The following RNLS variants were observed in gnomAD, a reference collection of about 807,000 sequenced individuals.
RNLS encodes the protein renalase, FAD dependent amine oxidase.
In RNLS, 39 loss-of-function variants were observed where a neutral mutation model predicts 39.8. That is an observed-to-expected ratio of 0.98 (90% CI 0.76 to 1.28). The LOEUF (loss-of-function observed/expected upper bound fraction) is 1.28. RNLS is among the 50% of genes most tolerant of loss of function. The probability of loss-of-function intolerance (pLI) is 0.00; values close to 1 mark genes in which losing one functional copy is unlikely to be tolerated. For missense variants in RNLS, 410 were observed against 413.3 expected (o/e 0.99, Z 0.07); for synonymous variants, 147 against 150.7 (o/e 0.98, Z 0.18).
intron 5 of RNLS, among the ~76,000 whole-genome samples, chr10:88,353,542 G>A (rs1056432613): frequency 6.6e-6 from 1 of 152,178 alleles, no homozygotes; most frequent in Non-Finnish European, 1.5e-5. Flanking sequence ...TCTTAATCCT[G>A]AGTTCTTGTT....
At chr10:88,221,937 G>A in the RNLS span, among the ~76,000 whole-genome samples, 3 of 152,070 alleles carry the variant, frequency 2.0e-5, no homozygotes, top group African/African-American at 7.2e-5. Flanking sequence ...TGTTATAATT[G>A]AACTAGATGA....
At chr10:88,345,324 C>T (rs1848235069) in intron 5 of RNLS, among the ~76,000 whole-genome samples, 1 of 152,106 alleles carries the variant, frequency 6.6e-6, no homozygotes, top group African/African-American at 2.4e-5. Context: ...GCTTAGTCTT[C>T]TCAGACTATT....
chr10:88,271,102 T>C (rs996616729), downstream of RNLS, among the ~76,000 whole-genome samples: 2 of 152,212 alleles, frequency 1.3e-5, no homozygotes, highest in African/African-American at 4.8e-5. Context: ...CTTGTGGTAC[T>C]GGAGCCTGCC....
chr10:88,362,605 G>A lies in RNLS; in HGVS notation c.647C>T (p.Thr216Ile), dbSNP rs1849729272. The change falls in exon 5 of 7, where the codon ACC (threonine) becomes ATC (isoleucine). Residue 216 changes from threonine to isoleucine, a missense_variant. Coordinates refer to ENST00000331772, the MANE Select transcript of RNLS (RefSeq NM_001031709.3). ...GACGAAGCGTATGCAGGGATTACTG[G>A]TGATGTACTGCCCAGCCCAAGGGAC... is the stretch of plus-strand genomic sequence containing the variant. Reference protein sequence around the residue: ...IDVPWAGQYITSNPCIRFVSI... With the variant: ...IDVPWAGQYIISNPCIRFVSI... 6.2e-7 allele frequency: 1 copy of A among 1,613,742 alleles called. No individual in the cohort carries two copies. The highest frequency in any genetic ancestry group is 8.5e-7 in the Non-Finnish European group (1 of 1,179,912).
At chr10:88,371,826 A>G (rs1449527025) in intron 4 of RNLS, among the ~76,000 whole-genome samples, 1 of 152,172 alleles carries the variant, frequency 6.6e-6, no homozygotes, top group Non-Finnish European at 1.5e-5. Context: ...ACCGTCTAAC[A>G]GGTAAATTCC....
At chr10:88,421,492 T>C (rs1229859001) in intron 4 of RNLS, among the ~76,000 whole-genome samples, 1 of 152,168 alleles carries the variant, frequency 6.6e-6, no homozygotes, top group Non-Finnish European at 1.5e-5. Context: ...TTCAAAAAGC[T>C]TCTCATATGT....
At chr10:88,225,140 C>T in the RNLS span, among the ~76,000 whole-genome samples, 5 of 152,176 alleles carry the variant, frequency 3.3e-5, no homozygotes, top group East Asian at 9.6e-4. Flanking sequence ...TTTCTACACC[C>T]ACTAAATAAG....
downstream of RNLS, among the ~76,000 whole-genome samples, chr10:88,270,937 G>C (rs1842632708): frequency 6.6e-6 from 1 of 152,216 alleles, no homozygotes; most frequent in South Asian, 2.1e-4. Context: ...TAGAGAGCCA[G>C]GCTCTCGCAG....
rs376021121 is a variant in RNLS at position 88,445,921 on chromosome 10, T to C, written c.527-83196A>G. 1.4e-4 allele frequency among the ~76,000 whole-genome samples: 21 copies of C among 152,172 alleles called. No individual in the cohort carries two copies. The East Asian group carries it at 3.3e-3, about 24-fold the overall frequency. ...ACAGATCAACAAGACAGAAAGTTAA[T>C]AAGGATATCCAGGAATTGAACTCAG... On this transcript the variant is annotated intron_variant, in intron 4 of 6. Transcript: ENST00000331772.
chr10:88,335,327 C>T (rs1428910155), intron 5 of RNLS, among the ~76,000 whole-genome samples: 7 of 152,008 alleles, frequency 4.6e-5, no homozygotes, highest in Non-Finnish European at 7.4e-5. Context: ...AAGCAATCCT[C>T]CCACCTCAGC....
the RNLS span, among the ~76,000 whole-genome samples, chr10:88,268,345 C>A: frequency 6.6e-6 from 1 of 152,158 alleles, no homozygotes; most frequent in African/African-American, 2.4e-5. Flanking sequence ...TGAAAGCTCT[C>A]CATATATTTC....
chr10:88,503,423 C>G (rs1340402175), intron 4 of RNLS, among the ~76,000 whole-genome samples: 8 of 152,026 alleles, frequency 5.3e-5, no homozygotes, highest in Admixed American at 3.9e-4. Context: ...TCATTGTCCT[C>G]AAAGCTTTAA....
the RNLS span, among the ~76,000 whole-genome samples, chr10:88,267,610 A>G: frequency 2.8e-4 from 42 of 152,274 alleles, no homozygotes; most frequent in East Asian, 7.1e-3. Context: ...ACCCCCTGTC[A>G]AGGAGTGGTT....
intron 5 of RNLS, among the ~76,000 whole-genome samples, chr10:88,361,688 G>C (rs562947474): frequency 6.6e-6 from 1 of 152,292 alleles, no homozygotes; most frequent in East Asian, 1.9e-4. Context: ...CATTATGAAG[G>C]TCTGGCGAGC....
intron 5 of RNLS, among the ~76,000 whole-genome samples, chr10:88,354,018 G>A (rs900817969): frequency 6.6e-6 from 1 of 152,136 alleles, no homozygotes; most frequent in Non-Finnish European, 1.5e-5. Context: ...TTTTATCAGA[G>A]ACTAGGATTG....
chr10:88,526,155 G>C (rs1342694941), intron 4 of RNLS, among the ~76,000 whole-genome samples: 1 of 151,776 alleles, frequency 6.6e-6, no homozygotes, highest in South Asian at 2.1e-4. Flanking sequence ...CTGCCAAGTA[G>C]GTCTTTTGAT....
chr10:88,375,046 A>G (rs1055439734), intron 4 of RNLS, among the ~76,000 whole-genome samples: 1 of 152,136 alleles, frequency 6.6e-6, no homozygotes. Flanking sequence ...ATATCCTTTT[A>G]AAATTTCCAG....
rs1314455573 is a variant in RNLS at position 88,284,352 on chromosome 10, C to A, written c.*1002G>T. The A allele has an allele frequency of 2.1e-5, 21 of 985,266 alleles. No individual in the cohort carries two copies. Among genetic ancestry groups the A allele is most frequent in the Non-Finnish European group, 2.4e-5 (20 of 829,922 alleles). 61.0% of individuals were successfully genotyped at this position (985,266 alleles called of 1,614,324 possible). A position where few individuals can be genotyped will look rare whatever the true frequency, so the allele number is the denominator to read the frequency against. ...TTCAAAATGCTGAAATAGAACTCAT[C>A]ATTTTGCTTTTCAAATTAGCAACAG... is the stretch of plus-strand genomic sequence containing the variant. On this transcript the variant is annotated 3_prime_UTR_variant, in exon 7 of 7. Transcript: ENST00000331772.
At chr10:88,226,064 AT>A in the RNLS span, among the ~76,000 whole-genome samples, 1 of 152,186 alleles carries the variant, frequency 6.6e-6, no homozygotes, top group East Asian at 1.9e-4. Context: ...TGTTGGATCA[AT>A]TTTTTGTGTG....
Sources: allele counts gnomAD v4.1 joint callset (sites outside exome capture counted in the v4.1 genomes callset), GRCh38; gene constraint gnomAD v4.1.1; transcripts MANE v1.5; gene names NCBI Gene and HGNC (gene_info 2026-07-23, HGNC 2026-07-21).